Variants in RRAGB observed in about 807,000 individuals in gnomAD.
The protein encoded by RRAGB is Ras related GTP binding B.
A neutral mutation model predicts 29.3 loss-of-function variants in RRAGB; 6 were observed. The ratio of observed to expected loss-of-function variants is 0.21; its 90% CI spans 0.11 to 0.40. RRAGB has a LOEUF of 0.40. Ranked by LOEUF, RRAGB falls within the 10% of genes least tolerant of loss-of-function variation. The probability of loss-of-function intolerance (pLI) is 1.00; values close to 1 mark genes in which losing one functional copy is unlikely to be tolerated. For missense variants in RRAGB, 184 were observed against 272.9 expected (o/e 0.67, Z 2.29); for synonymous variants, 101 against 92.5 (o/e 1.09, Z -0.53).
At chrX:55,729,445 G>GT in intron 4 of RRAGB, 85 bp downstream of exon 4, 1 of 548,375 alleles carries the variant, frequency 1.8e-6, no homozygotes, top group Non-Finnish European at 3.1e-6. Flanking sequence ...TACACCTAGA[G>GT]TAACTATCAT....
At chrX:55,720,662 A>G (rs2036926516) in intron 2 of RRAGB, among the ~76,000 whole-genome samples, 1 of 98,221 alleles carries the variant, frequency 1.0e-5, no homozygotes, top group African/African-American at 3.7e-5. Context: ...CCAACATGGC[A>G]AAACCCTGTC....
intron 3 of RRAGB, chrX:55,727,292 T>C: frequency 8.6e-7 from 1 of 1,169,511 alleles, no homozygotes; most frequent in Non-Finnish European, 1.1e-6. Context: ...AGCACTTCTT[T>C]CCATTTTTTT....
At chrX:55,723,498 A>G (rs2033365925) in intron 3 of RRAGB, among the ~76,000 whole-genome samples, 1 of 107,164 alleles carries the variant, frequency 9.3e-6, no homozygotes, top group Admixed American at 1.0e-4. Flanking sequence ...TTAAGCCTCT[A>G]CAAATATTTG....
Position 55,731,517 on chromosome X carries a change from T to C in RRAGB, c.447T>C (p.Asn149=), listed in dbSNP as rs781036718. 18 of 1,207,304 alleles carry C rather than the reference T, an allele frequency of 1.5e-5. No individual in the cohort carries two copies. In the Admixed American group the frequency reaches 3.5e-4, roughly 24 times the overall value. ...CATGCCTGGAGGCCATTCTGCAGAA[T>C]TCTCCAGATGCCAAAATATTTTGCT... is the stretch of plus-strand genomic sequence containing the variant. ...YQSCLEAILQ[N]SPDAKIFCLV... The change falls in exon 5 of 10, where the codon AAT becomes AAC. Residue 149 remains asparagine (N), a synonymous_variant. Transcript: ENST00000374941.
chrX:55,743,009 C>T (rs1387733023), intron 5 of RRAGB, among the ~76,000 whole-genome samples: 2 of 111,418 alleles, frequency 1.8e-5, no homozygotes, highest in Non-Finnish European at 3.8e-5. Flanking sequence ...CGTTGAAATC[C>T]AGCCTAGGAA....
At chrX:55,722,165 T>C (rs1291400868) in intron 2 of RRAGB, 21 bp from the exon 3 acceptor site, 2 of 1,045,856 alleles carry the variant, frequency 1.9e-6, no homozygotes, top group African/African-American at 1.8e-5. Context: ...TTTCCTTTCC[T>C]TTTCCCTACT....
At chrX:55,718,675 T>C (rs1444015444) in intron 1 of RRAGB, among the ~76,000 whole-genome samples, 1 of 111,507 alleles carries the variant, frequency 9.0e-6, no homozygotes, top group Non-Finnish European at 1.9e-5. Flanking sequence ...AAAGCAGTTA[T>C]GAGTTGCTTT....
chrX:55,753,913 C>T (rs762541525), intron 7 of RRAGB, among the ~76,000 whole-genome samples: 55 of 111,732 alleles, frequency 4.9e-4, no homozygotes, highest in Non-Finnish European at 8.8e-4. Context: ...GGTGTGGTGA[C>T]GCATGCCTAT....
At chrX:55,747,695 A>G (rs949178717) in intron 5 of RRAGB, among the ~76,000 whole-genome samples, 2 of 111,860 alleles carry the variant, frequency 1.8e-5, no homozygotes, top group Non-Finnish European at 3.8e-5. Context: ...ATCACACTAT[A>G]GATTATCAGT....
intron 7 of RRAGB, chrX:55,755,208 T>C: frequency 2.7e-6 from 2 of 753,834 alleles, no homozygotes; most frequent in Non-Finnish European, 3.1e-6. Flanking sequence ...TTTCTTCTGG[T>C]GAGTGACTCA....
At chrX:55,721,235 CAG>C (rs1240359325) in intron 2 of RRAGB, among the ~76,000 whole-genome samples, 1 of 111,594 alleles carries the variant, frequency 9.0e-6, no homozygotes, top group Non-Finnish European at 1.9e-5. Context: ...TTCCAGAGCA[CAG>C]AGTCTTCTGA....
At chrX:55,748,804 T>C (rs1396174097) in intron 5 of RRAGB, among the ~76,000 whole-genome samples, 9 of 71,122 alleles carry the variant, frequency 1.3e-4, no homozygotes, top group African/African-American at 2.8e-4. Flanking sequence ...GCCCCCCGCC[T>C]GGCCAGCTGC....
At chrX:55,755,758 C>T (rs41307631) in intron 7 of RRAGB, 83 bp from the exon 8 acceptor site, 22,345 of 1,127,314 alleles carry the variant, frequency 0.02, 198 homozygotes, top group Middle Eastern at 0.029. Context: ...GACCAAGGGA[C>T]TGACAAATGT....
At chrX:55,732,387 A>G (rs1326976774) in intron 5 of RRAGB, among the ~76,000 whole-genome samples, 1 of 111,911 alleles carries the variant, frequency 8.9e-6, no homozygotes, top group Non-Finnish European at 1.9e-5. Flanking sequence ...ATCCTCCTCT[A>G]TTTCTAAGGG....
At position 55,741,187 on chromosome X, in the gene RRAGB, A is replaced by G. The variant is rs2034056696; in HGVS notation, c.516+9601A>G. 5.4e-5 allele frequency among the ~76,000 whole-genome samples: 6 copies of G among 111,025 alleles called. No homozygotes were observed. In the South Asian group the frequency reaches 2.3e-3, roughly 43 times the overall value. On this transcript the variant is annotated intron_variant, in intron 5 of 9. Transcript: ENST00000374941. ...GGATCAGCTTTGATGATTGCTCTCA[A>G]TTGATCATTGTCAGCTTCTGATGGC... is the stretch of plus-strand genomic sequence containing the variant.
At chrX:55,753,612 T>C (rs1031615149) in intron 7 of RRAGB, 98 bp downstream of exon 7, 42 of 860,504 alleles carry the variant, frequency 4.9e-5, no homozygotes, top group Non-Finnish European at 6.4e-5. Flanking sequence ...AGAACCTTTT[T>C]CCCTCTTGTC....
At chrX:55,743,000 G>A (rs1251233953) in intron 5 of RRAGB, among the ~76,000 whole-genome samples, 2 of 111,450 alleles carry the variant, frequency 1.8e-5, no homozygotes, top group Admixed American at 9.5e-5. Flanking sequence ...GCCTAGCCTC[G>A]TTGAAATCCA....
At chrX:55,720,839 C>T (rs373452551) in intron 2 of RRAGB, among the ~76,000 whole-genome samples, 3 of 110,687 alleles carry the variant, frequency 2.7e-5, no homozygotes, top group African/African-American at 9.9e-5. Flanking sequence ...GATCATGCCA[C>T]AGCCCTCCAG....
At chrX:55,749,624 C>G (rs902917971) in intron 5 of RRAGB, among the ~76,000 whole-genome samples, 3 of 110,283 alleles carry the variant, frequency 2.7e-5, no homozygotes, top group African/African-American at 9.7e-5. Flanking sequence ...ATTGAGAAAT[C>G]GGATGGTTGC....
Sources: gnomAD v4.1 joint callset for allele counts (sites outside exome capture counted in the v4.1 genomes callset) on GRCh38, gnomAD v4.1.1 for gene constraint, MANE v1.5 for transcripts, NCBI Gene and HGNC (gene_info 2026-07-23, HGNC 2026-07-21) for gene names.